The following TBC1D2B variants were observed in gnomAD, a reference collection of about 807,000 sequenced individuals.
The protein encoded by TBC1D2B is TBC1 domain family, member 2B.
In TBC1D2B, 64 loss-of-function variants were observed where a neutral mutation model predicts 100.8. The observed-to-expected ratio is 0.64, with a 90% CI of 0.52 to 0.78. TBC1D2B has a LOEUF of 0.78. TBC1D2B is among the 30% of genes least tolerant of loss of function. The probability of loss-of-function intolerance (pLI) is 0.00; values close to 1 mark genes in which losing one functional copy is unlikely to be tolerated. For missense variants in TBC1D2B, 1,052 were observed against 1,218.4 expected, an observed-to-expected ratio of 0.86 and a Z score of 2.03; for synonymous variants, 480 against 479.7, an observed-to-expected ratio of 1.00 and a Z score of -0.01.
intron 1 of TBC1D2B, among the ~76,000 whole-genome samples, chr15:78,055,660 C>A (rs1163123092): frequency 1.3e-5 from 2 of 152,196 alleles, no homozygotes; most frequent in Non-Finnish European, 2.9e-5. Flanking sequence ...GATACTTGCA[C>A]ACCTGGCCCC....
At chr15:78,030,479 A>C (rs529541502) in intron 3 of TBC1D2B, among the ~76,000 whole-genome samples, 3 of 151,574 alleles carry the variant, frequency 2.0e-5, no homozygotes, top group African/African-American at 7.3e-5. Flanking sequence ...TTTTTTTTTT[A>C]ATTATTTTTA....
chr15:78,062,891 G>A (rs1190487083), intron 1 of TBC1D2B, among the ~76,000 whole-genome samples: 1 of 152,152 alleles, frequency 6.6e-6, no homozygotes, highest in African/African-American at 2.4e-5. Context: ...GGACCCTGGA[G>A]CCTAACTACC....
chr15:78,056,849 G>A (rs983290805), intron 1 of TBC1D2B, among the ~76,000 whole-genome samples: 5 of 152,178 alleles, frequency 3.3e-5, no homozygotes, highest in African/African-American at 1.2e-4. Context: ...GGGAATGTGC[G>A]TGTGTGGTCC....
intron 1 of TBC1D2B, among the ~76,000 whole-genome samples, chr15:78,068,866 T>A (rs775716477): frequency 6.6e-6 from 1 of 152,256 alleles, no homozygotes; most frequent in Non-Finnish European, 1.5e-5. Flanking sequence ...AAAACCCAGC[T>A]GAGGGCTGGC....
chr15:78,013,190 C>A lies in TBC1D2B; in HGVS notation c.1903G>T (p.Val635Phe), dbSNP rs760847886. The change falls in exon 9 of 13, where the codon GTC (valine) becomes TTC (phenylalanine). Residue 635 changes from valine to phenylalanine, a missense_variant. Around this residue, in one of 4 missense-constraint regions of TBC1D2B, gnomAD observed 373 missense variants for 464.9 expected, o/e 0.80. Coordinates refer to ENST00000300584, the MANE Select transcript of TBC1D2B (RefSeq NM_144572.2). The part of the protein sequence containing the change: ...LTENQEVSTG[V>F]KWENYFASTV... ...CTTGCAAAATAGTTTTCCCACTTGA[C>A]CCCAGTGGAGACTTCCTGGTTTTCT... 5 of 1,613,876 alleles carry A rather than the reference C, an allele frequency of 3.1e-6. No homozygotes were observed. Among genetic ancestry groups the A allele is most frequent in the Admixed American group, 3.3e-5 (2 of 60,000 alleles).
At position 77,995,546 on chromosome 15, in the gene TBC1D2B, A is replaced by AT. The variant is rs2071728323; in HGVS notation, c.*2613dup. 1 of 152,116 alleles carries AT rather than the reference A, an allele frequency of 6.6e-6. No individual in the cohort carries two copies. Among genetic ancestry groups the AT allele is most frequent in the Admixed American group, 6.6e-5 (1 of 15,252 alleles). 9.4% of individuals were successfully genotyped at this position (152,116 alleles called of 1,614,324 possible). ...ACAAGGGAGTCACACACATAACATA[A>AT]TAACTTGTTATATAAAATAGATATG... is the stretch of plus-strand genomic sequence containing the variant. On this transcript the variant is annotated 3_prime_UTR_variant, in exon 13 of 13. Transcript: ENST00000300584.
intron 1 of TBC1D2B, among the ~76,000 whole-genome samples, chr15:78,074,150 A>G (rs774108386): frequency 1.3e-5 from 2 of 151,708 alleles, no homozygotes; most frequent in Non-Finnish European, 2.9e-5. Flanking sequence ...CAGCCTCGCG[A>G]GCAGCTGGGA....
intron 3 of TBC1D2B, among the ~76,000 whole-genome samples, chr15:78,043,544 A>G (rs2073132098): frequency 6.6e-6 from 1 of 152,120 alleles, no homozygotes; most frequent in Non-Finnish European, 1.5e-5. Context: ...GACCGCAGGC[A>G]TGCATCACCA....
chr15:78,076,093 G>A (rs559431662), intron 1 of TBC1D2B, among the ~76,000 whole-genome samples: 6 of 152,246 alleles, frequency 3.9e-5, no homozygotes, highest in East Asian at 1.9e-4. Context: ...CCAGCTCCAG[G>A]CCTGGGCCCA....
At chr15:78,014,741 G>A (rs1280371605) in intron 8 of TBC1D2B, among the ~76,000 whole-genome samples, 1 of 152,078 alleles carries the variant, frequency 6.6e-6, no homozygotes, top group Non-Finnish European at 1.5e-5. Context: ...AAATAGCTCA[G>A]GAGTAACTTG....
intron 3 of TBC1D2B, among the ~76,000 whole-genome samples, chr15:78,031,347 A>G (rs950297007): frequency 6.6e-6 from 1 of 152,136 alleles, no homozygotes; most frequent in Non-Finnish European, 1.5e-5. Flanking sequence ...TGAGGTCAGG[A>G]GTTTAAGACC....
chr15:77,998,165 T>A lies in TBC1D2B; in HGVS notation c.2887A>T (p.Thr963Ser). Reference protein sequence around the residue: ...GELVSDEEEDT With the variant: ...GELVSDEEEDS Reference sequence around the variant, plus strand: ...GAGCAGCATCCCGAGCCCACTCAGGTATCCTCCTCCTCGTCACTGACCAGC... The same window carrying A: ...GAGCAGCATCCCGAGCCCACTCAGGAATCCTCCTCCTCGTCACTGACCAGC... The change falls in exon 13 of 13, where the codon ACC becomes TCC. Residue 963 changes from threonine (T) to serine (S), a missense_variant. Thr to Ser is a moderately conservative substitution (Grantham distance 58). This residue lies in a region of TBC1D2B where 47 missense variants were observed against 88.3 expected (regional missense o/e 0.53). Coordinates refer to ENST00000300584, the MANE Select transcript of TBC1D2B (RefSeq NM_144572.2). 1 of 1,532,660 alleles carries A rather than the reference T, an allele frequency of 6.5e-7. No individual in the cohort carries two copies. The highest frequency in any genetic ancestry group is 8.8e-7 in the Non-Finnish European group (1 of 1,135,904). The allele number at this position is 1,532,660 out of a possible 1,614,324, so 94.9% of individuals were successfully genotyped here. A position where few individuals can be genotyped will look rare whatever the true frequency, so the allele number is the denominator to read the frequency against.
Position 78,024,367 on chromosome 15 carries a change from T to C in TBC1D2B, c.1259A>G (p.Glu420Gly). 1 of 1,614,066 alleles carries C rather than the reference T, an allele frequency of 6.2e-7. No homozygotes were observed. The highest frequency in any genetic ancestry group is 8.5e-7 in the Non-Finnish European group (1 of 1,179,906). ...SQLERFSLEK[E>G]SLQQEVRTLK... ...CGTCCTTACTTCCTGCTGAAGACTC[T>C]CCTTCTCCAAGCTGAACCTCTCCAG... is the stretch of plus-strand genomic sequence containing the variant. Residue 420 changes from glutamate (E) to glycine (G), a missense_variant, in exon 6 of 13, where the codon GAG becomes GGG. Glu to Gly is a moderately conservative substitution (Grantham distance 98). Around this residue, in one of 4 missense-constraint regions of TBC1D2B, gnomAD observed 627 missense variants for 646.1 expected, o/e 0.97. Coordinates refer to ENST00000300584, the MANE Select transcript of TBC1D2B (RefSeq NM_144572.2).
intron 3 of TBC1D2B, among the ~76,000 whole-genome samples, chr15:78,032,448 G>A (rs868284071): frequency 4.7e-5 from 7 of 150,462 alleles, no homozygotes; most frequent in Non-Finnish European, 5.9e-5. Flanking sequence ...CACACAAAAA[G>A]GTAAAATTCA....
At chr15:78,046,858 G>A (rs1369888671) in intron 2 of TBC1D2B, among the ~76,000 whole-genome samples, 2 of 151,436 alleles carry the variant, frequency 1.3e-5, no homozygotes, top group Non-Finnish European at 3.0e-5. Flanking sequence ...CACTGGTAAA[G>A]GAAACAGAGA....
At chr15:78,027,198 C>T (rs2072693205) in intron 4 of TBC1D2B, among the ~76,000 whole-genome samples, 1 of 152,126 alleles carries the variant, frequency 6.6e-6, no homozygotes, top group Non-Finnish European at 1.5e-5. Flanking sequence ...AACCAACCTG[C>T]ACTGTTAGGA....
At chr15:78,063,118 G>A (rs1020884608) in intron 1 of TBC1D2B, among the ~76,000 whole-genome samples, 5 of 152,038 alleles carry the variant, frequency 3.3e-5, no homozygotes, top group East Asian at 1.9e-4. Context: ...CATGTTTACC[G>A]ATAACCCACT....
Position 78,018,217 on chromosome 15 carries a change from A to G in TBC1D2B, c.1471-260T>C, listed in dbSNP as rs1366400227. Among the ~76,000 whole-genome samples, 5 of 152,228 alleles carry G rather than the reference A, an allele frequency of 3.3e-5. 1 individual carries two copies. The South Asian group carries it at 1.0e-3, about 32-fold the overall frequency. ...TATTTAATTGTGGTAGTTTTTCTCA[A>G]CTGATGACAGGAGAAATAAATATGA... On this transcript the variant is annotated intron_variant, in intron 6 of 12. Coordinates refer to ENST00000300584, the MANE Select transcript of TBC1D2B (RefSeq NM_144572.2).
chr15:78,022,548 T>C (rs2072541213), intron 6 of TBC1D2B, among the ~76,000 whole-genome samples: 1 of 109,398 alleles, frequency 9.1e-6, no homozygotes, highest in South Asian at 2.9e-4. Context: ...CCACAAAGCC[T>C]ATTTTTTTTT....
Sources: gnomAD v4.1 joint callset for allele counts (sites outside exome capture counted in the v4.1 genomes callset) on GRCh38, gnomAD v4.1.1 for gene constraint, gnomAD v4.1.1 regional missense constraint, MANE v1.5 for transcripts, NCBI Gene and HGNC (gene_info 2026-07-23, HGNC 2026-07-21) for gene names.